Variants in SESTD1 observed in about 807,000 individuals in gnomAD.
SESTD1 encodes SEC14 and spectrin domain containing 1, also known as SEC14 domain and spectrin repeat-containing protein 1.
In SESTD1, 43 loss-of-function variants were observed where a neutral mutation model predicts 101.7. That is an observed-to-expected ratio of 0.42 (90% CI 0.33 to 0.55). SESTD1 has a LOEUF of 0.55. Among genes scored for constraint, SESTD1 ranks in the 20% least tolerant of loss-of-function variants. The pLI, the probability that SESTD1 is intolerant of heterozygous loss-of-function variation, is 0.07. For synonymous variants in SESTD1, 283 were observed against 286.8 expected (o/e 0.99, Z 0.13); for missense variants, 647 against 815.1 (o/e 0.79, Z 2.51).
intron 1 of SESTD1, among the ~76,000 whole-genome samples, chr2:179,197,655 C>A (rs1220129394): frequency 6.6e-6 from 1 of 152,188 alleles, no homozygotes; most frequent in Non-Finnish European, 1.5e-5. Flanking sequence ...GGCCAATATT[C>A]AACATTCTTA....
intron 1 of SESTD1, among the ~76,000 whole-genome samples, chr2:179,238,961 A>C (rs1263886355): frequency 6.6e-6 from 1 of 152,214 alleles, no homozygotes; most frequent in Non-Finnish European, 1.5e-5. Context: ...TTAACTACTT[A>C]CATGCCAAAT....
intron 9 of SESTD1, among the ~76,000 whole-genome samples, chr2:179,140,386 C>A (rs1380387991): frequency 2.6e-5 from 4 of 152,048 alleles, no homozygotes; most frequent in Non-Finnish European, 5.9e-5. Flanking sequence ...GAGAGGAAAT[C>A]TGGACACAGA....
intron 11 of SESTD1, among the ~76,000 whole-genome samples, chr2:179,124,127 T>C (rs917427733): frequency 1.3e-5 from 2 of 152,144 alleles, no homozygotes; most frequent in African/African-American, 2.4e-5. Flanking sequence ...AAATAAAATA[T>C]TCTACTAGAT....
At chr2:179,150,585 G>T (rs1235219189) in intron 6 of SESTD1, among the ~76,000 whole-genome samples, 1 of 151,830 alleles carries the variant, frequency 6.6e-6, no homozygotes, top group Non-Finnish European at 1.5e-5. Context: ...ACTTTGGAAG[G>T]CCGAGGCAGG....
At chr2:179,140,448 A>C (rs2045252843) in intron 9 of SESTD1, among the ~76,000 whole-genome samples, 1 of 152,190 alleles carries the variant, frequency 6.6e-6, no homozygotes, top group African/African-American at 2.4e-5. Flanking sequence ...GCCATCGTCA[A>C]GTCAAGGAGA....
At chr2:179,246,491 TTC>T (rs1046697729) in intron 1 of SESTD1, among the ~76,000 whole-genome samples, 4 of 151,992 alleles carry the variant, frequency 2.6e-5, no homozygotes, top group Admixed American at 6.6e-5. Context: ...CTCGCTCTCT[TTC>T]TCTCTCTCTC....
At chr2:179,185,808 A>G (rs1381525353) in intron 2 of SESTD1, among the ~76,000 whole-genome samples, 2 of 129,830 alleles carry the variant, frequency 1.5e-5, no homozygotes, top group Admixed American at 8.4e-5. Flanking sequence ...AATATAGCAT[A>G]TACAATATAG....
rs1469251633 is a variant in SESTD1 at position 179,200,178 on chromosome 2, CAA to C, written c.-25-8314_-25-8313del. The stretch of plus-strand genomic sequence containing the variant: ...AGTGAACTCCCATTCACAATTGCTT[CAA>C]AGAGAATAAAATACCTAGGAATCCA... On this transcript the variant is annotated intron_variant, in intron 1 of 17. Coordinates refer to ENST00000428443, the MANE Select transcript of SESTD1 (RefSeq NM_178123.5). Among the ~76,000 whole-genome samples, 146 of 151,720 alleles carry C rather than the reference CAA, an allele frequency of 9.6e-4. 1 individual carries two copies. Among genetic ancestry groups the C allele is most frequent in the African/African-American group, 3.2e-3 (133 of 41,456 alleles).
At chr2:179,166,520 C>CA (rs1431239621) in intron 5 of SESTD1, among the ~76,000 whole-genome samples, 2 of 152,246 alleles carry the variant, frequency 1.3e-5, no homozygotes, top group African/African-American at 4.8e-5. Context: ...CCCGAACTAT[C>CA]ATAGGTTCCC....
chr2:179,199,100 C>T (rs1304976109), intron 1 of SESTD1, among the ~76,000 whole-genome samples: 3 of 151,940 alleles, frequency 2.0e-5, no homozygotes, highest in Non-Finnish European at 4.4e-5. Context: ...CAAATAGACG[C>T]AATAAAAAAT....
intron 1 of SESTD1, among the ~76,000 whole-genome samples, chr2:179,245,172 C>T (rs535310198): frequency 6.6e-6 from 1 of 151,636 alleles, no homozygotes; most frequent in Non-Finnish European, 1.5e-5. Flanking sequence ...CTGGGCAACA[C>T]AGCATGTTGG....
intron 1 of SESTD1, among the ~76,000 whole-genome samples, chr2:179,225,701 G>A (rs2046875368): frequency 6.6e-6 from 1 of 152,054 alleles, no homozygotes; most frequent in Non-Finnish European, 1.5e-5. Flanking sequence ...AAGATGGGAG[G>A]GCAAAAAGGG....
Position 179,201,026 on chromosome 2 carries a change from G to C in SESTD1, c.-25-9160C>G, listed in dbSNP as rs1187103098. 3.0e-5 allele frequency among the ~76,000 whole-genome samples: 4 copies of C among 134,134 alleles called. 1 individual carries two copies. The highest frequency in any genetic ancestry group is 6.4e-5 in the Non-Finnish European group (4 of 62,684). 88.0% of individuals were successfully genotyped at this position (134,134 alleles called of 152,430 possible). ...GAAAATTTTCGCAACCTACTCATTT[G>C]ACAAAGGGCTAATATCCAGAATCTA... On this transcript the variant is annotated intron_variant, in intron 1 of 17. Transcript: ENST00000428443.
intron 1 of SESTD1, among the ~76,000 whole-genome samples, chr2:179,194,174 T>C (rs940285174): frequency 1.3e-5 from 2 of 152,196 alleles, no homozygotes; most frequent in African/African-American, 4.8e-5. Flanking sequence ...ACCTACTCCA[T>C]CTGCTCCCTC....
intron 1 of SESTD1, among the ~76,000 whole-genome samples, chr2:179,252,971 A>G (rs1379972880): frequency 2.0e-5 from 3 of 152,084 alleles, no homozygotes; most frequent in Non-Finnish European, 4.4e-5. Flanking sequence ...CTCCATCCCA[A>G]AGTTCATACA....
intron 1 of SESTD1, among the ~76,000 whole-genome samples, chr2:179,218,069 T>C (rs1468347391): frequency 6.6e-6 from 1 of 152,216 alleles, no homozygotes; most frequent in Non-Finnish European, 1.5e-5. Context: ...ATATGGCACA[T>C]GTATACCTAT....
chr2:179,166,120 G>A (rs544518571), intron 5 of SESTD1, among the ~76,000 whole-genome samples: 1 of 152,230 alleles, frequency 6.6e-6, no homozygotes, highest in East Asian at 1.9e-4. Context: ...GAATCACTAA[G>A]GCCAAATGTG....
At chr2:179,214,135 A>C (rs1416228804) in intron 1 of SESTD1, among the ~76,000 whole-genome samples, 1 of 134,768 alleles carries the variant, frequency 7.4e-6, no homozygotes, top group Non-Finnish European at 1.6e-5. Context: ...TAACAATATT[A>C]ACCTTAAATG....
intron 1 of SESTD1, among the ~76,000 whole-genome samples, chr2:179,196,043 A>T (rs2046386785): frequency 1.3e-5 from 2 of 152,282 alleles, no homozygotes; most frequent in Middle Eastern, 3.4e-3. Context: ...CATCTGAGGT[A>T]CCGGGTTCAT....
Sources: allele counts gnomAD v4.1 joint callset (sites outside exome capture counted in the v4.1 genomes callset), GRCh38; gene constraint gnomAD v4.1.1; transcripts MANE v1.5; gene names NCBI Gene and HGNC (gene_info 2026-07-23, HGNC 2026-07-21).